CUX1: variants seen among roughly 807,000 people sequenced by gnomAD.
The protein encoded by CUX1 is protein CASP.
A neutral mutation model predicts 158.8 loss-of-function variants in CUX1; 31 were observed. That is an observed-to-expected ratio of 0.20 (90% confidence interval 0.15 to 0.26). CUX1 has a LOEUF of 0.26. CUX1 is among the 10% of genes least tolerant of loss of function. The probability of loss-of-function intolerance (pLI) is 1.00; values close to 1 mark genes in which losing one functional copy is unlikely to be tolerated. For synonymous variants in CUX1, 879 were observed against 862.1 expected, an observed-to-expected ratio of 1.02 and a Z score of -0.34; for missense variants, 1,589 against 2,014.6, an observed-to-expected ratio of 0.79 and a Z score of 4.04.
chr7:102,013,205 G>A (rs1016074772), intron 2 of CUX1, among the ~76,000 whole-genome samples: 3 of 151,406 alleles, frequency 2.0e-5, no homozygotes, highest in Non-Finnish European at 4.4e-5. Context: ...TGGCTGAGAC[G>A]TAGATCAAGA....
chr7:102,129,712 A>AATCT (rs1456878950), intron 8 of CUX1, among the ~76,000 whole-genome samples: 9 of 152,132 alleles, frequency 5.9e-5, no homozygotes, highest in Admixed American at 2.0e-4. Flanking sequence ...AGAGGTTAAT[A>AATCT]ATCTAGTAAC....
rs1476001613 is a variant in CUX1, at chr7:102,207,394, G to A, written c.3130+2224G>A. On this transcript the variant is annotated intron_variant, in intron 20 of 23. Coordinates refer to ENST00000292535, the MANE Select transcript of CUX1 (RefSeq NM_181552.4). Reference sequence around the variant, plus strand: ...AGTCATAGGAAAGCCACCAGCAGAAGCAAAAATCGTGGTGACTAGGGAGAA... The same window carrying A: ...AGTCATAGGAAAGCCACCAGCAGAAACAAAAATCGTGGTGACTAGGGAGAA... 2.0e-5 allele frequency among the ~76,000 whole-genome samples: 3 copies of A among 152,062 alleles called. No homozygotes were observed. The East Asian group carries it at 5.8e-4, about 29-fold the overall frequency.
intron 1 of CUX1, among the ~76,000 whole-genome samples, chr7:101,866,946 C>T (rs1797987250): frequency 6.6e-6 from 1 of 152,192 alleles, no homozygotes; most frequent in Non-Finnish European, 1.5e-5. Context: ...TGGGGCTGGG[C>T]ATGGTGGCTC....
At chr7:101,827,603 G>A (rs934447805) in intron 1 of CUX1, among the ~76,000 whole-genome samples, 1 of 152,040 alleles carries the variant, frequency 6.6e-6, no homozygotes, top group South Asian at 2.1e-4. Context: ...GAGCCACCAG[G>A]CCCACATAAA....
chr7:102,121,348 G>GTTT (rs3216525), intron 8 of CUX1, among the ~76,000 whole-genome samples: 5 of 131,662 alleles, frequency 3.8e-5, no homozygotes, highest in Admixed American at 7.7e-5. Context: ...TTGCTTTTTG[G>GTTT]TTTTTTTTTT....
intron 1 of CUX1, among the ~76,000 whole-genome samples, chr7:101,823,923 A>T (rs1792965134): frequency 6.6e-6 from 1 of 152,178 alleles, no homozygotes; most frequent in South Asian, 2.1e-4. Context: ...GAAAAAACCA[A>T]ACCAAACCAA....
intron 14 of CUX1, among the ~76,000 whole-genome samples, chr7:102,268,468 C>T (rs967986271): frequency 6.6e-5 from 10 of 152,246 alleles, no homozygotes; most frequent in South Asian, 6.2e-4. Context: ...GCTGTCTCCC[C>T]TGCCTCCTGC....
intron 1 of CUX1, among the ~76,000 whole-genome samples, chr7:101,821,031 CGA>C (rs972148920): frequency 7.2e-5 from 11 of 152,044 alleles, no homozygotes; most frequent in African/African-American, 2.7e-4. Context: ...GCCTGGATGC[CGA>C]GAGAAGTGTG....
chr7:102,166,188 GTT>G (rs1791012337), intron 9 of CUX1, among the ~76,000 whole-genome samples: 1 of 152,196 alleles, frequency 6.6e-6, no homozygotes, highest in East Asian at 1.9e-4. Context: ...CCGGGTGGCT[GTT>G]TTCTGCCATC....
intron 1 of CUX1, among the ~76,000 whole-genome samples, chr7:101,888,151 T>C (rs1435176951): frequency 1.3e-5 from 2 of 152,016 alleles, no homozygotes; most frequent in African/African-American, 4.8e-5. Context: ...CCTGCCAACA[T>C]GGCGAAACCC....
chr7:101,956,054 T>C (rs1168091079), intron 2 of CUX1, among the ~76,000 whole-genome samples: 1 of 143,240 alleles, frequency 7.0e-6, no homozygotes, highest in Non-Finnish European at 1.5e-5. Context: ...AGGTGGCACA[T>C]GCCTGTAGTC....
At chr7:101,824,760 C>T (rs1327821341) in intron 1 of CUX1, 1 of 152,126 alleles carries the variant, frequency 6.6e-6, no homozygotes, top group Non-Finnish European at 1.5e-5. Context: ...ATTTCTACAG[C>T]TCCATTATTT....
At chr7:102,207,875 A>C (rs1796113288) in intron 20 of CUX1, among the ~76,000 whole-genome samples, 3 of 152,162 alleles carry the variant, frequency 2.0e-5, no homozygotes, top group Admixed American at 1.3e-4. Context: ...CCTCGTCTGA[A>C]TCTTTACTAT....
Position 102,201,025 on chromosome 7 carries a change from TAAAAAAAAAAAAA to T in CUX1, c.2063-318_2063-306del, listed in dbSNP as rs78359248. Among the ~76,000 whole-genome samples, 11 of 42,140 alleles carry T rather than the reference TAAAAAAAAAAAAA, an allele frequency of 2.6e-4. No individual in the cohort carries two copies. The highest frequency in any genetic ancestry group is 1.6e-3 in the East Asian group (2 of 1,238). The allele number at this position is 42,140 out of a possible 152,430, so 27.6% of individuals were successfully genotyped here. A position where few individuals can be genotyped will look rare whatever the true frequency, so the allele number is the denominator to read the frequency against. The stretch of plus-strand genomic sequence containing the variant: ...CTGGACAACAGCGAGATCCTGTCGC[TAAAAAAAAAAAAA>T]AAAAAAAAAAAAAAAATTCTCGGGG... On this transcript the variant is annotated intron_variant, in intron 17 of 23. Coordinates refer to ENST00000292535, the MANE Select transcript of CUX1 (RefSeq NM_181552.4). The surrounding 1 kb of genome is among the most constrained non-coding windows in gnomAD (Gnocchi z 5.0).
rs528227777 is a variant in CUX1 at position 101,985,833 on chromosome 7, G to A, written c.142-42265G>A. Among the ~76,000 whole-genome samples, 5 of 152,332 alleles carry A rather than the reference G, an allele frequency of 3.3e-5. No homozygotes were observed. In the East Asian group the frequency reaches 7.7e-4, roughly 23 times the overall value. On this transcript the variant is annotated intron_variant, in intron 2 of 23. Transcript: ENST00000292535. Reference sequence around the variant, plus strand: ...AGATTGATGTGGTGTGATTCTTGACGTTACAAAAGCTTCCTTGTTTTTCAG... The same window carrying A: ...AGATTGATGTGGTGTGATTCTTGACATTACAAAAGCTTCCTTGTTTTTCAG...
intron 2 of CUX1, among the ~76,000 whole-genome samples, chr7:102,004,478 TAAAG>T (rs745344590): frequency 1.3e-5 from 2 of 152,136 alleles, no homozygotes; most frequent in African/African-American, 2.4e-5. Flanking sequence ...GGTTTCAACA[TAAAG>T]AAAACAAATT....
downstream of CUX1, among the ~76,000 whole-genome samples, chr7:102,260,777 G>A (rs971218005): frequency 5.9e-5 from 9 of 152,064 alleles, no homozygotes; most frequent in Non-Finnish European, 1.3e-4. Flanking sequence ...ACAGGGTGGC[G>A]CGACGTGATG....
In CUX1 at chr7:102,141,613, C is replaced by T. The variant is rs954420413; in HGVS notation, c.675-16947C>T. Among the ~76,000 whole-genome samples the T allele has an allele frequency of 3.3e-5, 5 of 152,064 alleles. No individual in the cohort carries two copies. In the East Asian group the frequency reaches 9.7e-4, roughly 29 times the overall value. On this transcript the variant is annotated intron_variant, in intron 8 of 23. Transcript: ENST00000292535. ...ATTCTTAGTTTTAGCTTCTCTGCCT[C>T]TGCCACCAAAGCTTTGTTTTGGTTT...
At chr7:101,958,532 G>C (rs1006988208) in intron 2 of CUX1, among the ~76,000 whole-genome samples, 1 of 133,312 alleles carries the variant, frequency 7.5e-6, no homozygotes, top group African/African-American at 2.9e-5. Context: ...TCAGACTTGA[G>C]TGCAGTGACA....
Sources: gnomAD v4.1 joint callset for allele counts (sites outside exome capture counted in the v4.1 genomes callset) on GRCh38, gnomAD v4.1.1 for gene constraint, Gnocchi (gnomAD v3.1) non-coding constraint, MANE v1.5 for transcripts, NCBI Gene and HGNC (gene_info 2026-07-23, HGNC 2026-07-21) for gene names.